The following RBKS variants were observed in gnomAD, a reference collection of about 807,000 sequenced individuals.
RBKS encodes the protein ribokinase.
Under a neutral mutation model 33.9 loss-of-function variants are expected in RBKS, and 33 were observed. The observed-to-expected ratio is 0.97, with a 90% CI of 0.74 to 1.30. RBKS has a LOEUF of 1.30. Ranked by LOEUF, RBKS falls within the 50% of genes most tolerant of loss-of-function variation. The probability of loss-of-function intolerance (pLI) is 0.00; values close to 1 mark genes in which losing one functional copy is unlikely to be tolerated. For missense variants in RBKS, 361 were observed against 392.6 expected (o/e 0.92, Z 0.68); for synonymous variants, 125 against 143.0 (o/e 0.87, Z 0.90).
intron 6 of RBKS, among the ~76,000 whole-genome samples, chr2:27,829,009 C>CAAA (rs1678371571): frequency 6.6e-6 from 1 of 152,172 alleles, no homozygotes; most frequent in Non-Finnish European, 1.5e-5. Flanking sequence ...CCTTTTGCCT[C>CAAA]AGCCTCCCAA....
At chr2:27,784,144 C>A (rs1244592922) in intron 7 of RBKS, among the ~76,000 whole-genome samples, 1 of 149,796 alleles carries the variant, frequency 6.7e-6, no homozygotes, top group Non-Finnish European at 1.5e-5. Context: ...CCACTACGCC[C>A]GGCTAATTTT....
rs59194200 is a variant in RBKS at position 27,840,352 on chromosome 2, A to G, written c.514+2715T>C. On this transcript the variant is annotated intron_variant, in intron 5 of 7. Coordinates refer to ENST00000302188, the MANE Select transcript of RBKS (RefSeq NM_022128.3). Reference sequence around the variant, plus strand: ...TACACACACACACACACACACACACACACGCGCGCGCGCACACACACACAC... The same window carrying G: ...TACACACACACACACACACACACACGCACGCGCGCGCGCACACACACACAC... Among the ~76,000 whole-genome samples, 560 of 132,990 alleles carry G rather than the reference A, an allele frequency of 4.2e-3. 3 individuals are homozygous for G. Among genetic ancestry groups the G allele is most frequent in the African/African-American group, 0.016 (493 of 31,542 alleles). 87.2% of individuals were successfully genotyped at this position (132,990 alleles called of 152,430 possible).
At chr2:27,835,289 A>C (rs980848354) in intron 5 of RBKS, among the ~76,000 whole-genome samples, 1 of 151,930 alleles carries the variant, frequency 6.6e-6, no homozygotes, top group African/African-American at 2.4e-5. Context: ...AAAAAAAAAA[A>C]AGAAAAAAAA....
At chr2:27,832,359 A>G (rs1189507994) in intron 6 of RBKS, among the ~76,000 whole-genome samples, 2 of 152,234 alleles carry the variant, frequency 1.3e-5, no homozygotes, top group African/African-American at 4.8e-5. Context: ...TTTACTTGCT[A>G]AACCTGGCAA....
intron 7 of RBKS, among the ~76,000 whole-genome samples, chr2:27,811,570 T>C (rs1032299402): frequency 5.9e-5 from 9 of 152,358 alleles, no homozygotes; most frequent in African/African-American, 2.2e-4. Context: ...CTGTGATCAC[T>C]GCCTGTGAAG....
chr2:27,838,091 T>C (rs976429053), intron 5 of RBKS, among the ~76,000 whole-genome samples: 3 of 152,054 alleles, frequency 2.0e-5, no homozygotes, highest in Admixed American at 6.6e-5. Flanking sequence ...TCCCAGCTAC[T>C]TGGGAGGCTG....
chr2:27,840,275 C>T (rs1310209724), intron 5 of RBKS, among the ~76,000 whole-genome samples: 1 of 150,702 alleles, frequency 6.6e-6, no homozygotes, highest in African/African-American at 2.4e-5. Flanking sequence ...CCACCTCGGC[C>T]TCCCAAAGTG....
chr2:27,868,119 T>C (rs1664135341), intron 1 of RBKS, among the ~76,000 whole-genome samples: 1 of 152,226 alleles, frequency 6.6e-6, no homozygotes, highest in African/African-American at 2.4e-5. Flanking sequence ...TACATCTTTT[T>C]GCCATCTGCT....
At chr2:27,872,254 G>A (rs568777085) in intron 1 of RBKS, among the ~76,000 whole-genome samples, 24 of 152,172 alleles carry the variant, frequency 1.6e-4, no homozygotes, top group Admixed American at 2.0e-4. Flanking sequence ...TTATTGTAAC[G>A]TAACACATTT....
Position 27,795,425 on chromosome 2 carries a change from T to A in RBKS, c.796-13637A>T, listed in dbSNP as rs1375202811. Among the ~76,000 whole-genome samples, 2 of 151,930 alleles carry A rather than the reference T, an allele frequency of 1.3e-5. No individual in the cohort carries two copies. The highest frequency in any genetic ancestry group is 2.9e-5 in the Non-Finnish European group (2 of 67,986). On this transcript the variant is annotated intron_variant, in intron 7 of 7. Coordinates refer to ENST00000302188, the MANE Select transcript of RBKS (RefSeq NM_022128.3). This position sits in a 1 kb window ranked among gnomAD's most constrained non-coding sequence, Gnocchi z 4.1. ...GGAAAAACTCTTTGAAATTTAAACATAAAAGGGGCAGAAAAGGCCTTGTAC... is the reference window on the plus strand; with the variant it reads ...GGAAAAACTCTTTGAAATTTAAACAAAAAAGGGGCAGAAAAGGCCTTGTAC...
chr2:27,823,724 C>A (rs767361658), intron 7 of RBKS, among the ~76,000 whole-genome samples: 1 of 152,148 alleles, frequency 6.6e-6, no homozygotes, highest in Non-Finnish European at 1.5e-5. Flanking sequence ...AGATTCTAGA[C>A]CCAGAAAATC....
intron 7 of RBKS, among the ~76,000 whole-genome samples, chr2:27,807,865 C>T (rs913992737): frequency 1.3e-5 from 2 of 152,092 alleles, no homozygotes; most frequent in Non-Finnish European, 2.9e-5. Flanking sequence ...ACATTAGGTA[C>T]TTAAGCTGGG....
At chr2:27,800,856 A>G (rs1402630995) in intron 7 of RBKS, among the ~76,000 whole-genome samples, 2 of 152,206 alleles carry the variant, frequency 1.3e-5, no homozygotes, top group East Asian at 1.9e-4. Context: ...AGAGAGTTCC[A>G]GCCATGGTCA....
chr2:27,880,572 A>G (rs1664399876), intron 1 of RBKS, among the ~76,000 whole-genome samples: 1 of 152,212 alleles, frequency 6.6e-6, no homozygotes, highest in Admixed American at 6.5e-5. Context: ...GCAAAGTCTC[A>G]GGATACAAAA....
intron 7 of RBKS, among the ~76,000 whole-genome samples, chr2:27,792,507 T>C (rs576157918): frequency 2.6e-5 from 4 of 152,264 alleles, no homozygotes; most frequent in Non-Finnish European, 4.4e-5. Flanking sequence ...TTTTCCCTAA[T>C]TAAAAGTTGA....
At chr2:27,844,263 G>GAAAAAAAAAAAAAAAA (rs1348408045) in intron 4 of RBKS, among the ~76,000 whole-genome samples, 1 of 84,102 alleles carries the variant, frequency 1.2e-5, no homozygotes. Flanking sequence ...CTCTGTCTCA[G>GAAAAAAAAAAAAAAAA]AAAAAAAAAA....
At chr2:27,801,963 A>AAAAATATAT (rs1308232858) in intron 7 of RBKS, among the ~76,000 whole-genome samples, 1 of 47,612 alleles carries the variant, frequency 2.1e-5, no homozygotes, top group Admixed American at 2.7e-4. Flanking sequence ...AAAAAAAAAA[A>AAAAATATAT]ATATATATAT....
chr2:27,784,047 G>A (rs1407907017), intron 7 of RBKS, among the ~76,000 whole-genome samples: 1 of 110,828 alleles, frequency 9.0e-6, no homozygotes, highest in African/African-American at 3.4e-5. Flanking sequence ...GCAGTGGCGG[G>A]ATCTCGGCTC....
intron 7 of RBKS, among the ~76,000 whole-genome samples, chr2:27,825,318 A>C (rs571908278): frequency 2.6e-5 from 4 of 152,340 alleles, no homozygotes; most frequent in Admixed American, 2.6e-4. Flanking sequence ...CATTGTTATG[A>C]CTATGCATTT....
Sources: gnomAD v4.1 joint callset for allele counts (sites outside exome capture counted in the v4.1 genomes callset) on GRCh38, gnomAD v4.1.1 for gene constraint, Gnocchi (gnomAD v3.1) non-coding constraint, MANE v1.5 for transcripts, NCBI Gene and HGNC (gene_info 2026-07-23, HGNC 2026-07-21) for gene names.